Variants in TTLL5 observed in about 807,000 individuals in gnomAD.
TTLL5 encodes the protein tubulin polyglutamylase TTLL5.
A neutral mutation model predicts 168.4 loss-of-function variants in TTLL5; 132 were observed. The ratio of observed to expected loss-of-function variants is 0.78; its 90% CI spans 0.68 to 0.91. TTLL5 has a LOEUF of 0.91. TTLL5 is among the 40% of genes least tolerant of loss of function. TTLL5 has a pLI of 0.00. For synonymous variants in TTLL5, 546 were observed against 558.6 expected, an observed-to-expected ratio of 0.98 and a Z score of 0.32; for missense variants, 1,545 against 1,581.5, an observed-to-expected ratio of 0.98 and a Z score of 0.39.
chr14:75,872,142 C>G (rs1475561710), intron 29 of TTLL5, among the ~76,000 whole-genome samples: 1 of 152,188 alleles, frequency 6.6e-6, no homozygotes, highest in Non-Finnish European at 1.5e-5. Flanking sequence ...TTGATGTTAT[C>G]TGTATACATA....
intron 9 of TTLL5, chr14:75,709,364 A>G: frequency 1.7e-6 from 1 of 591,380 alleles, no homozygotes. Flanking sequence ...CAGACTAACC[A>G]AACCTCGCTG....
chr14:75,747,764 G>A (rs1374382836), intron 17 of TTLL5, among the ~76,000 whole-genome samples: 1 of 152,120 alleles, frequency 6.6e-6, no homozygotes, highest in African/African-American at 2.4e-5. Context: ...TGTGAGCTCT[G>A]GGAATTATTC....
intron 28 of TTLL5, among the ~76,000 whole-genome samples, chr14:75,851,122 A>G (rs79619883): frequency 6.6e-6 from 1 of 150,818 alleles, no homozygotes; most frequent in African/African-American, 2.4e-5. Context: ...AAAAAAGTTA[A>G]TGGAATAAGA....
chr14:75,810,746 G>A (rs1372522060), intron 27 of TTLL5, among the ~76,000 whole-genome samples: 3 of 152,194 alleles, frequency 2.0e-5, no homozygotes, highest in Non-Finnish European at 4.4e-5. Flanking sequence ...TAGTGAACCT[G>A]AGATTAGTTT....
chr14:75,925,234 C>T (rs1339220783), intron 31 of TTLL5, among the ~76,000 whole-genome samples: 2 of 148,188 alleles, frequency 1.3e-5, no homozygotes, highest in African/African-American at 5.1e-5. Flanking sequence ...CTGGCGGGGG[C>T]TGACCCCCAC....
chr14:75,943,198 G>A (rs1453988395), intron 31 of TTLL5, among the ~76,000 whole-genome samples: 4 of 152,120 alleles, frequency 2.6e-5, no homozygotes, highest in African/African-American at 9.7e-5. Context: ...TTATGACCCC[G>A]TCACTGGATC....
chr14:75,946,746 GA>G lies in TTLL5; in HGVS notation c.3824-7667del, dbSNP rs957717999. Reference sequence around the variant, plus strand: ...GAGAATGTGGGAAATGTTCTAGAGAGAAAAAAAAAAACAACAACACAGTGAA... The same window carrying G: ...GAGAATGTGGGAAATGTTCTAGAGAGAAAAAAAAAACAACAACACAGTGAA... On this transcript the variant is annotated intron_variant, in intron 31 of 31. Coordinates refer to ENST00000298832, the MANE Select transcript of TTLL5 (RefSeq NM_015072.5). 1.1e-3 allele frequency among the ~76,000 whole-genome samples: 152 copies of G among 143,792 alleles called. 2 individuals are homozygous for G. The East Asian group carries it at 0.021, about 20-fold the overall frequency. 94.3% of individuals were successfully genotyped at this position (143,792 alleles called of 152,430 possible).
At chr14:75,895,927 C>T (rs1482996370) in intron 30 of TTLL5, among the ~76,000 whole-genome samples, 2 of 151,976 alleles carry the variant, frequency 1.3e-5, no homozygotes, top group Non-Finnish European at 2.9e-5. Context: ...ATGAAATTGA[C>T]AAGTACTGGG....
chr14:75,841,188 A>G (rs1194800039), intron 28 of TTLL5, among the ~76,000 whole-genome samples: 1 of 152,220 alleles, frequency 6.6e-6, no homozygotes, highest in African/African-American at 2.4e-5. Context: ...ACATTTCAAC[A>G]TGAGATTTGG....
At chr14:75,886,802 T>C in intron 30 of TTLL5, 1 of 1,585,838 alleles carries the variant, frequency 6.3e-7, no homozygotes, top group Non-Finnish European at 8.5e-7. Context: ...GCATCTGAAC[T>C]GTCTCTTGTA....
At chr14:75,753,053 A>G in intron 18 of TTLL5, 98 bp downstream of exon 18, 2 of 1,199,170 alleles carry the variant, frequency 1.7e-6, no homozygotes, top group South Asian at 1.5e-5. Context: ...GTCTTTATGT[A>G]AAATCTCTGC....
At chr14:75,861,052 T>C (rs1347041251) in intron 28 of TTLL5, among the ~76,000 whole-genome samples, 2 of 152,200 alleles carry the variant, frequency 1.3e-5, no homozygotes, top group Non-Finnish European at 2.9e-5. Flanking sequence ...TCTGATAACA[T>C]GCACACTGAG....
chr14:75,766,265 C>T lies in TTLL5; in HGVS notation c.1912C>T (p.Arg638Cys), dbSNP rs61741463. ...NTPKENSMKV[R>C]EWNNKGGHCC... ...ACCCAAAGAAAATTCCATGAAAGTT[C>T]GTGAATGGAATAATAAAGGTGGACA... Residue 638 changes from arginine to cysteine, a missense_variant, in exon 20 of 32, where the codon CGT becomes TGT. Arg to Cys is a radical substitution (Grantham distance 180). Transcript: ENST00000298832. 598 of 1,613,844 alleles carry T rather than the reference C, an allele frequency of 3.7e-4. No individual in the cohort carries two copies. The highest frequency in any genetic ancestry group is 4.7e-4 in the Non-Finnish European group (551 of 1,179,954).
Position 75,783,255 on chromosome 14 carries a change from C to G in TTLL5, c.2711C>G (p.Thr904Arg). 5 of 1,614,230 alleles carry G rather than the reference C, an allele frequency of 3.1e-6. No homozygotes were observed. Among genetic ancestry groups the G allele is most frequent in the Non-Finnish European group, 4.2e-6 (5 of 1,180,034 alleles). The part of the protein sequence containing the change: ...KIPNTHLSSV[T>R]TSDLSPGPCH... Reference sequence around the variant, plus strand: ...CCCAACACCCATTTGTCATCTGTTACAACCTCTGACCTCTCTCCAGGGCCT... The same window carrying G: ...CCCAACACCCATTTGTCATCTGTTAGAACCTCTGACCTCTCTCCAGGGCCT... The change falls in exon 26 of 32, where the codon ACA (threonine) becomes AGA (arginine). Residue 904 changes from threonine to arginine, a missense_variant. Thr to Arg is a moderately conservative substitution (Grantham distance 71). Transcript: ENST00000298832.
Position 75,690,094 on chromosome 14 carries a change from C to T in TTLL5, c.372-98C>T, listed in dbSNP as rs549736242. ...AGGATACAATACTATCTTCACTAAC[C>T]GGTCTAGGACTGTGAACTGTAACTC... is the stretch of plus-strand genomic sequence containing the variant. On this transcript the variant is annotated intron_variant, in intron 5 of 31. Coordinates refer to ENST00000298832, the MANE Select transcript of TTLL5 (RefSeq NM_015072.5). The T allele has an allele frequency of 1.0e-3, 1,356 of 1,293,478 alleles. 4 individuals are homozygous for T. Among genetic ancestry groups the T allele is most frequent in the Non-Finnish European group, 1.4e-3 (1,294 of 922,204 alleles). The allele number at this position is 1,293,478 out of a possible 1,614,324, so 80.1% of individuals were successfully genotyped here. A position where few individuals can be genotyped will look rare whatever the true frequency, so the allele number is the denominator to read the frequency against.
At chr14:75,870,196 A>G (rs1027621611) in intron 29 of TTLL5, among the ~76,000 whole-genome samples, 1 of 151,926 alleles carries the variant, frequency 6.6e-6, no homozygotes, top group Non-Finnish European at 1.5e-5. Context: ...CCTACTATTC[A>G]TAAGCACCAT....
intron 6 of TTLL5, among the ~76,000 whole-genome samples, chr14:75,697,810 A>G (rs1885977003): frequency 6.6e-6 from 1 of 152,136 alleles, no homozygotes; most frequent in Admixed American, 6.5e-5. Flanking sequence ...AAGAACAGAA[A>G]CTATAGGGAA....
chr14:75,820,711 TAGCTTCTGGCAATAATGTAAGC>T (rs1894776045), intron 28 of TTLL5: 1 of 153,990 alleles, frequency 6.5e-6, no homozygotes, highest in Non-Finnish European at 1.5e-5. Context: ...AAAATCCACG[TAGCTTCTGGCAATAATGTAAGC>T]AGCTTCCAAA....
intron 15 of TTLL5, among the ~76,000 whole-genome samples, chr14:75,743,835 C>T (rs572066530): frequency 6.6e-6 from 1 of 152,138 alleles, no homozygotes; most frequent in South Asian, 2.1e-4. Flanking sequence ...CCCACCTTGG[C>T]CTCCCAAAGT....
Sources: gnomAD v4.1 joint callset for allele counts (sites outside exome capture counted in the v4.1 genomes callset) on GRCh38, gnomAD v4.1.1 for gene constraint, MANE v1.5 for transcripts, NCBI Gene and HGNC (gene_info 2026-07-23, HGNC 2026-07-21) for gene names.